Variants in HEPHL1 observed in about 807,000 individuals in gnomAD.
HEPHL1 encodes ferroxidase HEPHL1.
Under a neutral mutation model 122.0 loss-of-function variants are expected in HEPHL1, and 123 were observed. That is an observed-to-expected ratio of 1.01 (90% confidence interval 0.87 to 1.17). The LOEUF (loss-of-function observed/expected upper bound fraction) is 1.17, where lower values mean the gene tolerates loss of function less well. Ranked by LOEUF, HEPHL1 falls within the 50% of genes most tolerant of loss-of-function variation. HEPHL1 has a pLI of 0.00. For synonymous variants in HEPHL1, 527 were observed against 508.9 expected, an observed-to-expected ratio of 1.04 and a Z score of -0.48; for missense variants, 1,452 against 1,430.5, an observed-to-expected ratio of 1.01 and a Z score of -0.24.
intron 2 of HEPHL1, among the ~76,000 whole-genome samples, chr11:94,063,152 C>T (rs960587061): frequency 2.0e-5 from 3 of 152,190 alleles, no homozygotes; most frequent in Non-Finnish European, 2.9e-5. Flanking sequence ...GCTTCTCCTT[C>T]CCTTCTTGAG....
intron 10 of HEPHL1, among the ~76,000 whole-genome samples, chr11:94,084,335 T>C (rs908053039): frequency 9.2e-6 from 1 of 108,766 alleles, no homozygotes; most frequent in African/African-American, 3.8e-5. Context: ...CCTCTCTCTG[T>C]TTAAATAAAT....
intron 18 of HEPHL1, among the ~76,000 whole-genome samples, 158 bp downstream of exon 18, chr11:94,111,223 A>G (rs560631593): frequency 6.6e-6 from 1 of 152,346 alleles, no homozygotes; most frequent in African/African-American, 2.4e-5. Context: ...CAAGTATGCT[A>G]TGTGCCGTAG....
chr11:94,039,582 C>G (rs1462248300), intron 1 of HEPHL1, among the ~76,000 whole-genome samples: 1 of 151,826 alleles, frequency 6.6e-6, no homozygotes, highest in African/African-American at 2.4e-5. Flanking sequence ...CAAAGCCGCT[C>G]AACTACATGG....
intron 6 of HEPHL1, among the ~76,000 whole-genome samples, chr11:94,071,258 T>C (rs952590204): frequency 3.9e-5 from 6 of 152,144 alleles, no homozygotes; most frequent in Non-Finnish European, 8.8e-5. Flanking sequence ...AGAATCCTTT[T>C]TTATATTTAA....
rs780443946 is a variant in HEPHL1, at chr11:94,104,591, GGAA to G, written c.2754_2756del (p.Arg918del). The G allele has an allele frequency of 5.5e-5, 88 of 1,613,758 alleles. 1 individual carries two copies. The highest frequency in any genetic ancestry group is 2.7e-4 in the East Asian group (12 of 44,884). On this transcript the variant is annotated inframe_deletion, in exon 16 of 20. Transcript: ENST00000315765. Reference sequence around the variant, plus strand: ...CCGAAAAGGAGTCTTGAATGAAAAGGGAAGAAGAAGTGACGTTGATTATGAATT... The same window carrying G: ...CCGAAAAGGAGTCTTGAATGAAAAGGGAAGAAGTGACGTTGATTATGAATT...
chr11:94,031,171 C>T (rs1239795052), intron 1 of HEPHL1, among the ~76,000 whole-genome samples: 5 of 151,966 alleles, frequency 3.3e-5, no homozygotes, highest in African/African-American at 1.2e-4. Flanking sequence ...AGAGTAACCG[C>T]CCCTCCCCCT....
chr11:94,055,510 C>G (rs1240423473), intron 2 of HEPHL1: 2 of 237,568 alleles, frequency 8.4e-6, no homozygotes, highest in African/African-American at 4.6e-5. Flanking sequence ...CTGCTTGCTC[C>G]GTAAGGTCGT....
In HEPHL1 at chr11:94,026,351, G is replaced by A. The variant is rs548378629; in HGVS notation, c.170+4813G>A. ...CAAAGAGGACTTGAAAAAATATAAC[G>A]TTTCAGCTGTGTACTTTTCTGCCTG... On this transcript the variant is annotated intron_variant, in intron 1 of 19. Coordinates refer to ENST00000315765, the MANE Select transcript of HEPHL1 (RefSeq NM_001098672.2). Among the ~76,000 whole-genome samples, 14 of 152,216 alleles carry A rather than the reference G, an allele frequency of 9.2e-5. No homozygotes were observed. In the South Asian group the frequency reaches 2.5e-3, roughly 27 times the overall value.
At chr11:94,089,049 A>G (rs1565359109) in intron 12 of HEPHL1, 81 bp downstream of exon 12, 4 of 1,263,524 alleles carry the variant, frequency 3.2e-6, no homozygotes, top group East Asian at 2.3e-5. Flanking sequence ...GCTCCCTGCA[A>G]ATTCCCAGGT....
In HEPHL1 at chr11:94,102,965, CT is replaced by C. The variant is rs1346739581; in HGVS notation, c.2629del (p.Ser877LeufsTer14). 6.2e-7 allele frequency: 1 copy of C among 1,610,454 alleles called. No individual in the cohort carries two copies. Among genetic ancestry groups the C allele is most frequent in the Non-Finnish European group, 8.5e-7 (1 of 1,176,976 alleles). On this transcript the variant is annotated frameshift_variant, in exon 15 of 20. Coordinates refer to ENST00000315765, the MANE Select transcript of HEPHL1 (RefSeq NM_001098672.2). LOFTEE classifies it high-confidence loss of function. ...WNIPKRSGPG[P>X]SDPNCIPWVY... ...ATCCCTAAAAGATCCGGTCCAGGGC[CT>C]TCTGATCCCAATTGTATTCCATGGG... is the stretch of plus-strand genomic sequence containing the variant.
In HEPHL1 at chr11:94,086,017, C is replaced by T. The variant is rs374005247; in HGVS notation, c.1908C>T (p.Asn636=). 1.2e-5 allele frequency: 19 copies of T among 1,613,798 alleles called. No homozygotes were observed. The East Asian group carries it at 3.8e-4, about 32-fold the overall frequency. Reference sequence around the variant, plus strand: ...TGTATGGCAACCAGCCAGGCTTAAACATGTGTAAAAGGGATAGAGTTTCCT... The same window carrying T: ...TGTATGGCAACCAGCCAGGCTTAAATATGTGTAAAAGGGATAGAGTTTCCT... ...GYMYGNQPGL[N]MCKRDRVSWH... The change falls in exon 11 of 20, where the codon AAC becomes AAT. Residue 636 remains asparagine (N), a synonymous_variant. Transcript: ENST00000315765.
intron 10 of HEPHL1, among the ~76,000 whole-genome samples, chr11:94,083,874 A>C (rs936863459): frequency 6.6e-6 from 1 of 152,224 alleles, no homozygotes; most frequent in African/African-American, 2.4e-5. Context: ...GAAATAAGGA[A>C]ATATAGCAGT....
chr11:94,097,271 T>C (rs1244522446), intron 13 of HEPHL1, among the ~76,000 whole-genome samples: 2 of 152,228 alleles, frequency 1.3e-5, no homozygotes, highest in East Asian at 1.9e-4. Context: ...CATTTTGTTA[T>C]GTACCCAGTA....
At chr11:94,049,848 G>T (rs1449139239) in intron 2 of HEPHL1, among the ~76,000 whole-genome samples, 1 of 151,944 alleles carries the variant, frequency 6.6e-6, no homozygotes, top group Non-Finnish European at 1.5e-5. Flanking sequence ...TATTTGATCA[G>T]CTTATTAATT....
intron 12 of HEPHL1, among the ~76,000 whole-genome samples, chr11:94,091,056 G>A (rs1473838758): frequency 6.6e-6 from 1 of 152,206 alleles, no homozygotes; most frequent in Non-Finnish European, 1.5e-5. Context: ...TCCTGAGCTT[G>A]TAGACTGATA....
rs141767965 is a variant in HEPHL1 at position 94,110,694 on chromosome 11, A to T, written c.3046-209A>T. Among the ~76,000 whole-genome samples, 9 of 152,346 alleles carry T rather than the reference A, an allele frequency of 5.9e-5. No individual in the cohort carries two copies. In the East Asian group the frequency reaches 1.7e-3, roughly 29 times the overall value. ...GGCCATCATGGAAGCTGGCTACTAC[A>T]GAATTTATTGATTTTATTGATCTGT... On this transcript the variant is annotated intron_variant, in intron 17 of 19. Transcript: ENST00000315765.
intron 13 of HEPHL1, among the ~76,000 whole-genome samples, chr11:94,094,620 G>A (rs1166758952): frequency 6.6e-6 from 1 of 152,192 alleles, no homozygotes; most frequent in Non-Finnish European, 1.5e-5. Flanking sequence ...CACCAACAGT[G>A]TAAAAGTGTT....
intron 6 of HEPHL1, 91 bp downstream of exon 6, chr11:94,070,633 C>A: frequency 9.5e-7 from 1 of 1,049,130 alleles, no homozygotes; most frequent in Non-Finnish European, 1.4e-6. Flanking sequence ...CCAACCACTG[C>A]TCTGATGAGC....
chr11:94,025,346 G>A (rs1394685856), intron 1 of HEPHL1, among the ~76,000 whole-genome samples: 1 of 152,064 alleles, frequency 6.6e-6, no homozygotes, highest in Non-Finnish European at 1.5e-5. Flanking sequence ...TCAGTATTTT[G>A]ATCTATTTAT....
Sources: allele counts gnomAD v4.1 joint callset (sites outside exome capture counted in the v4.1 genomes callset), GRCh38; gene constraint gnomAD v4.1.1; transcripts MANE v1.5; gene names NCBI Gene and HGNC (gene_info 2026-07-23, HGNC 2026-07-21).